The following HMGCLL1 variants were observed in gnomAD, a reference collection of about 807,000 sequenced individuals.
HMGCLL1 encodes 3-hydroxymethyl-3-methylglutaryl-CoA lyase, cytoplasmic.
HMGCLL1 carries 36 observed loss-of-function variants against 39.1 expected under a neutral mutation model. That is an observed-to-expected ratio of 0.92 (90% CI 0.71 to 1.22). The LOEUF (loss-of-function observed/expected upper bound fraction) is 1.22, where lower values mean the gene tolerates loss of function less well. Ranked by LOEUF, HMGCLL1 falls within the 50% of genes most tolerant of loss-of-function variation. HMGCLL1 has a pLI of 0.00. For missense variants in HMGCLL1, 451 were observed against 416.5 expected (o/e 1.08, Z -0.72); for synonymous variants, 149 against 144.0 (o/e 1.03, Z -0.25).
the HMGCLL1 span, among the ~76,000 whole-genome samples, chr6:55,593,009 T>A: frequency 6.6e-6 from 1 of 152,022 alleles, no homozygotes. Flanking sequence ...AAGGTTAAAT[T>A]TTTTCCCATG....
chr6:55,574,798 A>T (rs2127478592), intron 1 of HMGCLL1, among the ~76,000 whole-genome samples: 1 of 152,136 alleles, frequency 6.6e-6, no homozygotes, highest in Non-Finnish European at 1.5e-5. Context: ...CAGAAATATA[A>T]TACATTTAAA....
chr6:55,515,447 T>A (rs1767687367), intron 4 of HMGCLL1, among the ~76,000 whole-genome samples: 1 of 152,164 alleles, frequency 6.6e-6, no homozygotes, highest in African/African-American at 2.4e-5. Flanking sequence ...CTTTTTGTCA[T>A]CTACAAACAA....
At chr6:55,614,017 T>C in the HMGCLL1 span, among the ~76,000 whole-genome samples, 1 of 152,180 alleles carries the variant, frequency 6.6e-6, no homozygotes, top group Admixed American at 6.6e-5. Flanking sequence ...CAATAGCAAG[T>C]ATTGAAAAAT....
intron 1 of HMGCLL1, among the ~76,000 whole-genome samples, chr6:55,547,978 C>G (rs1770086993): frequency 6.6e-6 from 1 of 151,980 alleles, no homozygotes; most frequent in Non-Finnish European, 1.5e-5. Context: ...GGTGACTCAA[C>G]AAAGCTGATA....
the HMGCLL1 span, among the ~76,000 whole-genome samples, chr6:55,651,359 C>T: frequency 4.1e-4 from 63 of 152,178 alleles, 2 homozygotes; most frequent in South Asian, 0.012. Context: ...TTTGGCCAAG[C>T]CTGTGTCTAG....
intron 7 of HMGCLL1, among the ~76,000 whole-genome samples, chr6:55,482,388 AT>A (rs1352797274): frequency 6.6e-6 from 1 of 152,024 alleles, no homozygotes; most frequent in African/African-American, 2.4e-5. Flanking sequence ...AATATTTCAT[AT>A]TTTTTAGTGG....
chr6:55,604,178 T>C, the HMGCLL1 span, among the ~76,000 whole-genome samples: 1 of 152,142 alleles, frequency 6.6e-6, no homozygotes, highest in Non-Finnish European at 1.5e-5. Flanking sequence ...CCCTAGTGAA[T>C]GTTTTATCTA....
intron 5 of HMGCLL1, among the ~76,000 whole-genome samples, chr6:55,511,878 A>G (rs1767481728): frequency 6.6e-6 from 1 of 152,136 alleles, no homozygotes; most frequent in South Asian, 2.1e-4. Flanking sequence ...CAGGAGTTGT[A>G]CTCCAAAGGA....
chr6:55,509,354 A>G (rs1767322365), intron 5 of HMGCLL1, among the ~76,000 whole-genome samples: 1 of 151,846 alleles, frequency 6.6e-6, no homozygotes, highest in Admixed American at 6.6e-5. Flanking sequence ...AAGAAATGCT[A>G]GCTACTAGTC....
chr6:55,553,361 C>T (rs1770471765), intron 1 of HMGCLL1, among the ~76,000 whole-genome samples: 1 of 151,170 alleles, frequency 6.6e-6, no homozygotes. Flanking sequence ...TTGCTTGAAC[C>T]CAGGAGGCGG....
chr6:55,557,160 A>G (rs1237309339), intron 1 of HMGCLL1, among the ~76,000 whole-genome samples: 1 of 152,164 alleles, frequency 6.6e-6, no homozygotes, highest in African/African-American at 2.4e-5. Context: ...GAATTCATCT[A>G]CAGACACTAA....
At chr6:55,438,086 G>A (rs1763441477) in intron 8 of HMGCLL1, among the ~76,000 whole-genome samples, 1 of 151,934 alleles carries the variant, frequency 6.6e-6, no homozygotes, top group Non-Finnish European at 1.5e-5. Context: ...GAACATAACT[G>A]GCATATATTA....
chr6:55,489,550 A>T (rs934161325), intron 7 of HMGCLL1, among the ~76,000 whole-genome samples: 1 of 152,040 alleles, frequency 6.6e-6, no homozygotes, highest in Non-Finnish European at 1.5e-5. Context: ...AGGTGATAGC[A>T]GCAAGAAAAA....
intron 7 of HMGCLL1, among the ~76,000 whole-genome samples, chr6:55,453,383 G>A (rs1050897676): frequency 1.3e-5 from 2 of 152,070 alleles, no homozygotes; most frequent in African/African-American, 2.4e-5. Context: ...GTTTCACCGC[G>A]TTAGCCAGGA....
chr6:55,553,159 C>CTA (rs367984717), intron 1 of HMGCLL1, among the ~76,000 whole-genome samples: 209 of 134,180 alleles, frequency 1.6e-3, no homozygotes, highest in South Asian at 5.6e-3. Flanking sequence ...CTCTCTCTCT[C>CTA]TATATATATA....
intron 1 of HMGCLL1, chr6:55,577,259 G>A (rs1771806702): frequency 2.8e-6 from 4 of 1,449,270 alleles, no homozygotes; most frequent in African/African-American, 2.9e-5. Context: ...CAATTCAACA[G>A]TATTGGAACT....
chr6:55,570,462 C>T (rs2127475687), intron 1 of HMGCLL1, among the ~76,000 whole-genome samples: 1 of 152,228 alleles, frequency 6.6e-6, no homozygotes, highest in South Asian at 2.1e-4. Context: ...TTGAAGACTC[C>T]CACTTCTTTT....
chr6:55,437,393 G>A (rs1181654193), intron 8 of HMGCLL1, among the ~76,000 whole-genome samples: 1 of 151,758 alleles, frequency 6.6e-6, no homozygotes, highest in East Asian at 1.9e-4. Flanking sequence ...CGGAGGCAGA[G>A]ATATGAGGCC....
At chr6:55,576,211 AT>A (rs1364050740) in intron 1 of HMGCLL1, among the ~76,000 whole-genome samples, 1 of 152,200 alleles carries the variant, frequency 6.6e-6, no homozygotes, top group Non-Finnish European at 1.5e-5. Context: ...TCTGGGAGAG[AT>A]TTCACGAGAG....
Sources: allele counts gnomAD v4.1 joint callset (sites outside exome capture counted in the v4.1 genomes callset), GRCh38; gene constraint gnomAD v4.1.1; transcripts MANE v1.5; gene names NCBI Gene and HGNC (gene_info 2026-07-23, HGNC 2026-07-21).